LPL: variants seen among roughly 807,000 people sequenced by gnomAD.
LPL encodes lipoprotein lipase.
In LPL, 43 loss-of-function variants were observed where a neutral mutation model predicts 52.2. The observed-to-expected ratio is 0.82, with a 90% CI of 0.64 to 1.06. The LOEUF (loss-of-function observed/expected upper bound fraction) is 1.06. Among genes scored for constraint, LPL ranks in the 50% least tolerant of loss-of-function variants. The pLI is 0.00. For synonymous variants in LPL, 244 were observed against 215.6 expected, an observed-to-expected ratio of 1.13 and a Z score of -1.15; for missense variants, 639 against 585.3, an observed-to-expected ratio of 1.09 and a Z score of -0.95.
intron 2 of LPL, 198 bp from the exon 3 acceptor site, chr8:19,951,571 C>A (rs987581938): frequency 1.5e-6 from 1 of 679,266 alleles, no homozygotes; most frequent in Non-Finnish European, 2.7e-6. Flanking sequence ...CAACTCAATG[C>A]CTTCCTGGCT....
chr8:19,945,341 A>G (rs1187540333), intron 1 of LPL, among the ~76,000 whole-genome samples: 2 of 152,176 alleles, frequency 1.3e-5, no homozygotes, highest in Non-Finnish European at 2.9e-5. Context: ...TAGTGTGAAA[A>G]TTATCAGAAC....
At position 19,948,299 on chromosome 8, in the gene LPL, A is replaced by C; in HGVS notation, c.208A>C (p.Asn70His). The C allele has an allele frequency of 6.2e-7, 1 of 1,614,138 alleles. No homozygotes were observed. The part of the protein sequence containing the change: ...VAESVATCHF[N>H]HSSKTFMVIH... ...AGAGTCCGTGGCTACCTGTCATTTC[A>C]ATCACAGCAGCAAAACCTTCATGGT... The change falls in exon 2 of 10, where the codon AAT becomes CAT. Residue 70 changes from asparagine (N) to histidine (H), a missense_variant. By Grantham distance (68) the Asn-to-His change is moderately conservative (BLOSUM62 1). Coordinates refer to ENST00000650287, the MANE Select transcript of LPL (RefSeq NM_000237.3).
At chr8:19,958,682 A>T (rs920610092) in intron 6 of LPL, among the ~76,000 whole-genome samples, 1 of 152,190 alleles carries the variant, frequency 6.6e-6, no homozygotes, top group Admixed American at 6.5e-5. Context: ...TACGGAATGG[A>T]AAAATCAACG....
rs375246905 is a variant in LPL, at chr8:19,944,048, G to A, written c.89-4132G>A. ...CTAAAAATACAAAAATTAGCCAGGC[G>A]TGGTGGCAGGCACCTGTAATCCCGG... On this transcript the variant is annotated intron_variant, in intron 1 of 9. Coordinates refer to ENST00000650287, the MANE Select transcript of LPL (RefSeq NM_000237.3). This position sits in a 1 kb window ranked among gnomAD's most constrained non-coding sequence, Gnocchi z 4.2. Among the ~76,000 whole-genome samples, 2 of 151,994 alleles carry A rather than the reference G, an allele frequency of 1.3e-5. No individual in the cohort carries two copies. The highest frequency in any genetic ancestry group is 1.9e-4 in the East Asian group (1 of 5,186).
At chr8:19,954,414 T>C in intron 5 of LPL, 61 bp downstream of exon 5, 1 of 1,490,296 alleles carries the variant, frequency 6.7e-7, no homozygotes, top group Non-Finnish European at 9.4e-7. Context: ...ATTGACCCAA[T>C]GTCCTACTCA....
chr8:19,960,302 G>A (rs2070026627), intron 7 of LPL, among the ~76,000 whole-genome samples: 2 of 152,078 alleles, frequency 1.3e-5, no homozygotes, highest in South Asian at 2.1e-4. Context: ...TACATAGAAG[G>A]GAGTGATTTT....
chr8:19,947,138 GTGGGAA>G (rs1563568383), intron 1 of LPL, among the ~76,000 whole-genome samples: 1 of 152,186 alleles, frequency 6.6e-6, no homozygotes. Context: ...TGCCATAGGA[GTGGGAA>G]CAGTTTCATA....
chr8:19,960,181 G>C (rs1398482204), intron 7 of LPL, among the ~76,000 whole-genome samples: 1 of 152,188 alleles, frequency 6.6e-6, no homozygotes, highest in African/African-American at 2.4e-5. Flanking sequence ...AGCCAGTGCA[G>C]ACAAGGTGGT....
At position 19,950,636 on chromosome 8, in the gene LPL, C is replaced by T. The variant is rs2069925483; in HGVS notation, c.250-1133C>T. 6.6e-6 allele frequency among the ~76,000 whole-genome samples: 1 copy of T among 152,058 alleles called. No homozygotes were observed. The highest frequency in any genetic ancestry group is 2.1e-4 in the South Asian group (1 of 4,824). ...CCAACATGGGGAAACCCAATCTCTA[C>T]TAAAAAAATACAAAAAAATTAGCCA... On this transcript the variant is annotated intron_variant, in intron 2 of 9. Coordinates refer to ENST00000650287, the MANE Select transcript of LPL (RefSeq NM_000237.3). The surrounding 1 kb of genome is among the most constrained non-coding windows in gnomAD (Gnocchi z 4.2).
chr8:19,953,623 G>C (rs995268097), intron 4 of LPL, among the ~76,000 whole-genome samples: 5 of 152,154 alleles, frequency 3.3e-5, no homozygotes, highest in African/African-American at 1.2e-4. Flanking sequence ...CTATCCACTG[G>C]CAATAGCACA....
rs2069870301 is a variant in LPL, at chr8:19,944,949, C to T, written c.89-3231C>T. On this transcript the variant is annotated intron_variant, in intron 1 of 9. Coordinates refer to ENST00000650287, the MANE Select transcript of LPL (RefSeq NM_000237.3). The surrounding 1 kb of genome is among the most constrained non-coding windows in gnomAD (Gnocchi z 4.2). ...AAGTTAAATTCAGAATGAAGGCCTG[C>T]CTTTCCTTCCCTCCTTCCTTCCCCT... Among the ~76,000 whole-genome samples the T allele has an allele frequency of 6.6e-6, 1 of 151,990 alleles. No homozygotes were observed. The highest frequency in any genetic ancestry group is 1.5e-5 in the Non-Finnish European group (1 of 67,980).
chr8:19,954,454 C>T (rs1021736927), intron 5 of LPL, 101 bp downstream of exon 5: 2 of 1,156,274 alleles, frequency 1.7e-6, no homozygotes, highest in Non-Finnish European at 2.5e-6. Flanking sequence ...TTTTCATATA[C>T]ACATTTGGCC....
intron 2 of LPL, among the ~76,000 whole-genome samples, chr8:19,949,564 C>T (rs1401845929): frequency 6.6e-6 from 1 of 152,176 alleles, no homozygotes; most frequent in Admixed American, 6.5e-5. Flanking sequence ...CTCACTGCAA[C>T]CTCCGCCACC....
At chr8:19,959,676 T>G (rs2070019784) in intron 7 of LPL, among the ~76,000 whole-genome samples, 1 of 150,720 alleles carries the variant, frequency 6.6e-6, no homozygotes, top group Non-Finnish European at 1.5e-5. Context: ...GGTTTGACAT[T>G]AAAGAAAATG....
chr8:19,963,645 C>T (rs2070059713), intron 9 of LPL, among the ~76,000 whole-genome samples: 1 of 152,004 alleles, frequency 6.6e-6, no homozygotes, highest in South Asian at 2.1e-4. Flanking sequence ...TTCTTTCGGA[C>T]TTTATATATA....
At chr8:19,940,090 C>T (rs1395096947) in intron 1 of LPL, among the ~76,000 whole-genome samples, 2 of 152,212 alleles carry the variant, frequency 1.3e-5, no homozygotes, top group African/African-American at 2.4e-5. Context: ...TCGGCGGGGC[C>T]CCTCGCTCCG....
intron 5 of LPL, 141 bp from the exon 6 acceptor site, chr8:19,955,700 C>A: frequency 9.2e-7 from 1 of 1,087,940 alleles, no homozygotes; most frequent in Non-Finnish European, 1.4e-6. Flanking sequence ...TGAAATAGGG[C>A]CTACAATCAT....
chr8:19,951,783 T>A lies in LPL; in HGVS notation c.264T>A (p.Tyr88Ter), dbSNP rs118204065. The A allele has an allele frequency of 2.5e-6, 4 of 1,614,112 alleles. No individual in the cohort carries two copies. The East Asian group carries it at 8.9e-5, about 36-fold the overall frequency. ...VIHGWTVTGM[Y>*]ESWVPKLVAA... is the part of the protein sequence containing the mutation. ...ATCATCTTCAGGTAACAGGAATGTATGAGAGTTGGGTGCCAAAACTTGTGG... is the reference window on the plus strand; with the variant it reads ...ATCATCTTCAGGTAACAGGAATGTAAGAGAGTTGGGTGCCAAAACTTGTGG... The change falls in exon 3 of 10, where the codon TAT becomes TAA. Residue 88 changes from tyrosine (Y) to a stop codon, truncating the protein, a stop_gained. Transcript: ENST00000650287. LOFTEE classifies it high-confidence loss of function.
In LPL at chr8:19,966,595, G is replaced by A. The variant is rs1475868148; in HGVS notation, c.*1285G>A. 2 of 152,206 alleles carry A rather than the reference G, an allele frequency of 1.3e-5. No homozygotes were observed. The highest frequency in any genetic ancestry group is 2.1e-4 in the South Asian group (1 of 4,824). 9.4% of individuals were successfully genotyped at this position (152,206 alleles called of 1,614,324 possible). ...TCTCAGAGGCTATAGCTGGGAACCC[G>A]ACTGTGAAAGTATGTGATATCTGAA... On this transcript the variant is annotated 3_prime_UTR_variant, in exon 10 of 10. Transcript: ENST00000650287.
Sources: allele counts gnomAD v4.1 joint callset (sites outside exome capture counted in the v4.1 genomes callset), GRCh38; gene constraint gnomAD v4.1.1; non-coding constraint Gnocchi (gnomAD v3.1); transcripts MANE v1.5; gene names NCBI Gene and HGNC (gene_info 2026-07-23, HGNC 2026-07-21).